The following PABPC4L variants were observed in gnomAD, a reference collection of about 807,000 sequenced individuals.
PABPC4L encodes poly(A) binding protein cytoplasmic 4 like.
For synonymous variants in PABPC4L, 169 were observed against 164.1 expected (o/e 1.03, Z -0.23); for missense variants, 452 against 451.4 (o/e 1.00, Z -0.01).
chr4:134,151,945 C>A, the PABPC4L span, among the ~76,000 whole-genome samples: 1 of 151,470 alleles, frequency 6.6e-6, no homozygotes, highest in Non-Finnish European at 1.5e-5. Flanking sequence ...AATAATGTAA[C>A]ATATTTTTAT....
chr4:134,066,096 T>G, the PABPC4L span, among the ~76,000 whole-genome samples: 1 of 152,136 alleles, frequency 6.6e-6, no homozygotes, highest in Non-Finnish European at 1.5e-5. Flanking sequence ...GGGCTCTTTT[T>G]TCATTTTGTA....
At chr4:134,041,965 G>A in the PABPC4L span, among the ~76,000 whole-genome samples, 1 of 152,114 alleles carries the variant, frequency 6.6e-6, no homozygotes, top group Non-Finnish European at 1.5e-5. Context: ...ACATCTGCAT[G>A]TGTATATTGC....
chr4:134,085,931 T>G, the PABPC4L span, among the ~76,000 whole-genome samples: 1 of 152,162 alleles, frequency 6.6e-6, no homozygotes, highest in Non-Finnish European at 1.5e-5. Context: ...ACGGAATTTC[T>G]GTGTCATAGG....
At chr4:133,979,414 G>C in the PABPC4L span, among the ~76,000 whole-genome samples, 4 of 152,118 alleles carry the variant, frequency 2.6e-5, no homozygotes, top group African/African-American at 9.7e-5. Flanking sequence ...ATGAGTGGAA[G>C]GAAGAATAAG....
the PABPC4L span, among the ~76,000 whole-genome samples, chr4:134,071,578 A>G: frequency 6.6e-6 from 1 of 152,078 alleles, no homozygotes; most frequent in Non-Finnish European, 1.5e-5. Flanking sequence ...AACTGTTATA[A>G]CAATATTGAA....
the PABPC4L span, among the ~76,000 whole-genome samples, chr4:133,956,068 T>A: frequency 2.0e-5 from 3 of 152,020 alleles, no homozygotes; most frequent in Non-Finnish European, 4.4e-5. Context: ...TAAAAAAAAA[T>A]GAGGGATTTC....
At chr4:134,118,287 C>A in the PABPC4L span, among the ~76,000 whole-genome samples, 5 of 151,774 alleles carry the variant, frequency 3.3e-5, no homozygotes, top group African/African-American at 1.2e-4. Context: ...AACAATTCAG[C>A]AAATGATGGT....
chr4:133,996,521 T>C, the PABPC4L span, among the ~76,000 whole-genome samples: 1 of 152,196 alleles, frequency 6.6e-6, no homozygotes, highest in Non-Finnish European at 1.5e-5. Context: ...AACCCTAGCC[T>C]GAACAAGTCG....
chr4:134,144,194 C>G, the PABPC4L span, among the ~76,000 whole-genome samples: 1 of 151,510 alleles, frequency 6.6e-6, no homozygotes, highest in African/African-American at 2.4e-5. Flanking sequence ...AAATATTTGA[C>G]CATCAGAATC....
chr4:134,025,339 T>C, the PABPC4L span, among the ~76,000 whole-genome samples: 1 of 144,240 alleles, frequency 6.9e-6, no homozygotes, highest in East Asian at 2.1e-4. Context: ...AAGAGTGCTG[T>C]GCTGGGGTTA....
chr4:134,162,533 AAC>A, the PABPC4L span, among the ~76,000 whole-genome samples: 3,413 of 152,222 alleles, frequency 0.022, 128 homozygotes, highest in African/African-American at 0.077. Context: ...ATATGCACAG[AAC>A]ACTCTACTCT....
the PABPC4L span, among the ~76,000 whole-genome samples, chr4:133,994,244 C>G: frequency 1.1e-4 from 17 of 152,178 alleles, no homozygotes; most frequent in African/African-American, 3.9e-4. Context: ...TTGGTTGCTC[C>G]TCAACTAATT....
the PABPC4L span, among the ~76,000 whole-genome samples, chr4:134,056,246 T>C: frequency 6.6e-6 from 1 of 152,068 alleles, no homozygotes; most frequent in African/African-American, 2.4e-5. Context: ...GTACTCTATA[T>C]CATGATCTTG....
the PABPC4L span, among the ~76,000 whole-genome samples, chr4:134,144,928 T>C: frequency 6.6e-6 from 1 of 151,798 alleles, no homozygotes; most frequent in Non-Finnish European, 1.5e-5. Flanking sequence ...CTTTCATCCA[T>C]CTAATTAAAA....
the PABPC4L span, among the ~76,000 whole-genome samples, chr4:134,069,853 G>T: frequency 3.3e-5 from 5 of 152,048 alleles, no homozygotes; most frequent in Non-Finnish European, 7.4e-5. Context: ...ATGAGCCATT[G>T]CTGGGGAAAT....
At chr4:134,077,374 C>T in the PABPC4L span, among the ~76,000 whole-genome samples, 1 of 152,204 alleles carries the variant, frequency 6.6e-6, no homozygotes, top group Non-Finnish European at 1.5e-5. Context: ...CTAAAAAAAG[C>T]ATCTGTGATC....
the PABPC4L span, among the ~76,000 whole-genome samples, chr4:134,186,951 A>T: frequency 2.0e-5 from 3 of 152,202 alleles, no homozygotes; most frequent in East Asian, 3.8e-4. Flanking sequence ...AATGTTTATC[A>T]TCACTGGCCA....
chr4:133,958,277 A>T, the PABPC4L span, among the ~76,000 whole-genome samples: 6 of 152,168 alleles, frequency 3.9e-5, no homozygotes, highest in African/African-American at 1.4e-4. Flanking sequence ...AACAAGAGTG[A>T]CCTTTGCTCC....
At chr4:133,991,692 C>T in the PABPC4L span, among the ~76,000 whole-genome samples, 1 of 152,138 alleles carries the variant, frequency 6.6e-6, no homozygotes, top group Non-Finnish European at 1.5e-5. Flanking sequence ...TTGTGTCTGA[C>T]CTGGGACAGG....
Sources: gnomAD v4.1 joint callset for allele counts (sites outside exome capture counted in the v4.1 genomes callset) on GRCh38, gnomAD v4.1.1 for gene constraint, MANE v1.5 for transcripts, NCBI Gene and HGNC (gene_info 2026-07-23, HGNC 2026-07-21) for gene names.